Variants in DENND4A observed in about 807,000 individuals in gnomAD.
DENND4A encodes DENN domain containing 4A, also known as C-myc promoter-binding protein.
In DENND4A, 70 loss-of-function variants were observed where a neutral mutation model predicts 199.3. The observed-to-expected ratio is 0.35, with a 90% CI of 0.29 to 0.43. DENND4A has a LOEUF of 0.43. Ranked by LOEUF, DENND4A falls within the 20% of genes least tolerant of loss-of-function variation. The pLI is 1.00. For missense variants in DENND4A, 1,723 were observed against 2,255.8 expected (o/e 0.76, Z 4.78); for synonymous variants, 686 against 766.9 (o/e 0.89, Z 1.74).
At position 65,696,423 on chromosome 15, in the gene DENND4A, C is replaced by T. The variant is rs748829507; in HGVS notation, c.3025G>A (p.Val1009Ile). The stretch of plus-strand genomic sequence containing the variant: ...TTGTTACTTGTACCAGTGAGGCGAA[C>T]GATACTGGAAGAATTTTGATAACTG... ...KLSYQNSSSI[V>I]RLTGTSNNSA... Residue 1009 changes from valine to isoleucine, a missense_variant, in exon 22 of 33, where the codon GTT becomes ATT. By Grantham distance (29) the Val-to-Ile change is conservative (BLOSUM62 3). Transcript: ENST00000443035. 25 of 1,612,532 alleles carry T rather than the reference C, an allele frequency of 1.6e-5. No individual in the cohort carries two copies. Among genetic ancestry groups the T allele is most frequent in the Non-Finnish European group, 1.8e-5 (21 of 1,179,066 alleles).
intron 12 of DENND4A, among the ~76,000 whole-genome samples, chr15:65,721,561 T>C (rs1386245367): frequency 6.6e-6 from 1 of 150,598 alleles, no homozygotes; most frequent in Non-Finnish European, 1.5e-5. Flanking sequence ...TGCGAGGCAT[T>C]TGGACTTAAA....
At chr15:65,746,150 A>C (rs1336169725) in intron 4 of DENND4A, among the ~76,000 whole-genome samples, 1 of 151,908 alleles carries the variant, frequency 6.6e-6, no homozygotes, top group Non-Finnish European at 1.5e-5. Context: ...TCAAAAAAAA[A>C]AAAAAGGAAT....
intron 1 of DENND4A, among the ~76,000 whole-genome samples, chr15:65,762,728 A>G (rs2076882819): frequency 6.7e-6 from 1 of 150,120 alleles, no homozygotes; most frequent in Non-Finnish European, 1.5e-5. Context: ...ATTAGGTATT[A>G]TAGATAATCT....
intron 1 of DENND4A, among the ~76,000 whole-genome samples, chr15:65,782,963 G>T (rs912957367): frequency 6.7e-6 from 1 of 148,314 alleles, no homozygotes; most frequent in Non-Finnish European, 1.5e-5. Flanking sequence ...TGATGGAAGG[G>T]ATCTTTTTTT....
chr15:65,763,168 A>C (rs2076895912), intron 1 of DENND4A, among the ~76,000 whole-genome samples: 1 of 152,156 alleles, frequency 6.6e-6, no homozygotes, highest in Non-Finnish European at 1.5e-5. Context: ...ACACAAAATG[A>C]AGTTCAGTAA....
At chr15:65,784,370 A>C (rs2077511363) in intron 1 of DENND4A, among the ~76,000 whole-genome samples, 1 of 152,170 alleles carries the variant, frequency 6.6e-6, no homozygotes, top group South Asian at 2.1e-4. Context: ...AGTTAGTAGT[A>C]ATGTACCAAC....
chr15:65,757,275 G>T (rs891750113), intron 2 of DENND4A, among the ~76,000 whole-genome samples: 26 of 116,952 alleles, frequency 2.2e-4, no homozygotes, highest in African/African-American at 8.2e-4. Flanking sequence ...GGGGGGGGGG[G>T]TCTCACTATG....
At chr15:65,771,843 AGC>A (rs200854154) in intron 1 of DENND4A, 2 of 1,612,760 alleles carry the variant, frequency 1.2e-6, no homozygotes, top group East Asian at 4.5e-5. Flanking sequence ...TACTTAAAAC[AGC>A]ATAAGCATTC....
chr15:65,735,811 C>T (rs2076099680), intron 7 of DENND4A, among the ~76,000 whole-genome samples: 1 of 152,048 alleles, frequency 6.6e-6, no homozygotes, highest in South Asian at 2.1e-4. Flanking sequence ...GACTGACAGG[C>T]CAGGTGTGGT....
chr15:65,756,511 A>G, intron 2 of DENND4A, 39 bp from the exon 3 acceptor site: 1 of 1,440,230 alleles, frequency 6.9e-7, no homozygotes, highest in Non-Finnish European at 9.4e-7. Flanking sequence ...CCCTATAATA[A>G]GCAAAATAAA....
chr15:65,725,240 T>C (rs1276638816), intron 11 of DENND4A, among the ~76,000 whole-genome samples: 2 of 152,198 alleles, frequency 1.3e-5, no homozygotes, highest in Non-Finnish European at 2.9e-5. Context: ...ATTATATAGT[T>C]ACCCAATAAT....
intron 24 of DENND4A, among the ~76,000 whole-genome samples, chr15:65,672,733 G>C (rs1270008341): frequency 1.3e-5 from 2 of 152,116 alleles, no homozygotes; most frequent in Non-Finnish European, 2.9e-5. Context: ...CAACGAAAAA[G>C]TAAGGGAAGT....
At chr15:65,677,893 T>C (rs1328925957) in intron 23 of DENND4A, among the ~76,000 whole-genome samples, 1 of 151,948 alleles carries the variant, frequency 6.6e-6, no homozygotes, top group African/African-American at 2.4e-5. Context: ...TTAGTTTTGT[T>C]AGTTTTGGTA....
intron 23 of DENND4A, among the ~76,000 whole-genome samples, chr15:65,688,835 CCTG>C (rs1252330875): frequency 2.6e-5 from 4 of 152,112 alleles, no homozygotes; most frequent in African/African-American, 7.2e-5. Context: ...CCAGAAACTG[CCTG>C]CTTTTATTTA....
chr15:65,673,627 G>C (rs1307831056), intron 24 of DENND4A, among the ~76,000 whole-genome samples: 1 of 138,120 alleles, frequency 7.2e-6, no homozygotes, highest in Non-Finnish European at 1.6e-5. Flanking sequence ...AAATAACAAG[G>C]AGGAAAAAAA....
intron 4 of DENND4A, among the ~76,000 whole-genome samples, chr15:65,751,196 C>T (rs1328535529): frequency 1.3e-5 from 2 of 151,974 alleles, no homozygotes; most frequent in East Asian, 1.9e-4. Flanking sequence ...GCAATAGAGG[C>T]GTTGTGAAGT....
At chr15:65,728,970 A>G (rs765750070) in intron 11 of DENND4A, 102 bp downstream of exon 11, 12 of 1,174,500 alleles carry the variant, frequency 1.0e-5, no homozygotes, top group Middle Eastern at 2.6e-4. Context: ...GGAAAACAAT[A>G]TATCTTAAAA....
intron 4 of DENND4A, among the ~76,000 whole-genome samples, chr15:65,742,775 A>G (rs74478086): frequency 0.013 from 1,934 of 152,186 alleles, 47 homozygotes; most frequent in African/African-American, 0.044. Flanking sequence ...ATTACATGCT[A>G]TATTTGTTTG....
At chr15:65,747,507 G>A (rs990921794) in intron 4 of DENND4A, among the ~76,000 whole-genome samples, 10 of 152,136 alleles carry the variant, frequency 6.6e-5, no homozygotes, top group African/African-American at 2.4e-4. Flanking sequence ...ATAGGGTACA[G>A]ACCCAGACAC....
Sources: gnomAD v4.1 joint callset for allele counts (sites outside exome capture counted in the v4.1 genomes callset) on GRCh38, gnomAD v4.1.1 for gene constraint, MANE v1.5 for transcripts, NCBI Gene and HGNC (gene_info 2026-07-23, HGNC 2026-07-21) for gene names.